The following EPHX4 variants were observed in gnomAD, a reference collection of about 807,000 sequenced individuals.
EPHX4 encodes epoxide hydrolase 4.
EPHX4 carries 31 observed loss-of-function variants against 44.9 expected under a neutral mutation model. The observed-to-expected ratio is 0.69, with a 90% CI of 0.52 to 0.93. The LOEUF is 0.93. Ranked by LOEUF, EPHX4 falls within the 40% of genes least tolerant of loss-of-function variation. The pLI, the probability that EPHX4 is intolerant of heterozygous loss-of-function variation, is 0.00. For missense variants in EPHX4, 373 were observed against 438.1 expected, an observed-to-expected ratio of 0.85 and a Z score of 1.33; for synonymous variants, 151 against 159.7, an observed-to-expected ratio of 0.95 and a Z score of 0.41.
In EPHX4 at chr1:92,063,455, T is replaced by G. The variant is rs1007751887; in HGVS notation, c.*169T>G. 1.1e-5 allele frequency: 6 copies of G among 530,802 alleles called. No homozygotes were observed. The Admixed American group carries it at 2.0e-4, about 18-fold the overall frequency. The allele number at this position is 530,802 out of a possible 1,614,324, so 32.9% of individuals were successfully genotyped here. ...AAAAAAATCTGAGATCATGTGAACATATAATACAATGTTGATTTTCTTCTG... is the reference window on the plus strand; with the variant it reads ...AAAAAAATCTGAGATCATGTGAACAGATAATACAATGTTGATTTTCTTCTG... On this transcript the variant is annotated 3_prime_UTR_variant, in exon 7 of 7. Coordinates refer to ENST00000370383, the MANE Select transcript of EPHX4 (RefSeq NM_173567.5).
intron 6 of EPHX4, among the ~76,000 whole-genome samples, chr1:92,058,791 A>T (rs1023105051): frequency 6.6e-6 from 1 of 151,992 alleles, no homozygotes; most frequent in Non-Finnish European, 1.5e-5. Context: ...GAGATACAAA[A>T]CCTCTATTAA....
intron 1 of EPHX4, 34 bp from the exon 2 acceptor site, chr1:92,032,471 A>G (rs1441019572): frequency 6.6e-7 from 1 of 1,513,480 alleles, no homozygotes; most frequent in Non-Finnish European, 9.2e-7. Context: ...AATCAACACA[A>G]ACATCACTAA....
chr1:92,038,874 A>G (rs1406935628), intron 2 of EPHX4, among the ~76,000 whole-genome samples: 1 of 152,012 alleles, frequency 6.6e-6, no homozygotes, highest in Non-Finnish European at 1.5e-5. Flanking sequence ...CTGGGGCCAG[A>G]CTCCCTGGGC....
chr1:92,044,393 T>C (rs1273213232), intron 3 of EPHX4, among the ~76,000 whole-genome samples: 15 of 152,226 alleles, frequency 9.9e-5, no homozygotes, highest in Non-Finnish European at 1.5e-5. Context: ...ACAAGATTTA[T>C]GCATGTGTGT....
At chr1:92,058,652 G>C (rs1425352856) in intron 6 of EPHX4, among the ~76,000 whole-genome samples, 1 of 152,006 alleles carries the variant, frequency 6.6e-6, no homozygotes, top group Non-Finnish European at 1.5e-5. Flanking sequence ...CTGGGAAACT[G>C]ACCTTTGCTT....
chr1:92,060,956 C>G (rs1647482585), intron 6 of EPHX4, among the ~76,000 whole-genome samples: 1 of 151,706 alleles, frequency 6.6e-6, no homozygotes, highest in Admixed American at 6.6e-5. Context: ...TCTTGGCTCA[C>G]TGCAACCTCT....
intron 6 of EPHX4, among the ~76,000 whole-genome samples, chr1:92,057,581 C>T (rs1422726442): frequency 6.6e-6 from 1 of 151,396 alleles, no homozygotes; most frequent in African/African-American, 2.4e-5. Context: ...ACATAGAAGC[C>T]TAGATGGTTT....
At chr1:92,033,750 C>A (rs1688394961) in intron 2 of EPHX4, among the ~76,000 whole-genome samples, 1 of 152,068 alleles carries the variant, frequency 6.6e-6, no homozygotes, top group South Asian at 2.1e-4. Flanking sequence ...AAATTTATTT[C>A]TCACCGTTCT....
chr1:92,045,570 G>C lies in EPHX4; in HGVS notation c.514G>C (p.Gly172Arg). ...TGTTCTTATTGGCCATGACTGGGGG[G>C]GCATGATTGCTTGGCTAATTGCCAT... ...KCVLIGHDWG[G>R]MIAWLIAICY... is the part of the protein sequence containing the mutation. Residue 172 changes from glycine (G) to arginine (R), a missense_variant, in exon 4 of 7, where the codon GGC becomes CGC. Gly to Arg is a moderately radical substitution (Grantham distance 125). Coordinates refer to ENST00000370383, the MANE Select transcript of EPHX4 (RefSeq NM_173567.5). 1 of 1,613,900 alleles carries C rather than the reference G, an allele frequency of 6.2e-7. No homozygotes were observed. Among genetic ancestry groups the C allele is most frequent in the Non-Finnish European group, 8.5e-7 (1 of 1,179,934 alleles).
At chr1:92,036,807 T>C (rs1054285413) in intron 2 of EPHX4, among the ~76,000 whole-genome samples, 3 of 152,182 alleles carry the variant, frequency 2.0e-5, no homozygotes, top group Non-Finnish European at 4.4e-5. Context: ...AAATACTACA[T>C]GGAGATTGTT....
chr1:92,031,839 C>T (rs959002801), intron 1 of EPHX4, among the ~76,000 whole-genome samples: 5 of 152,100 alleles, frequency 3.3e-5, no homozygotes, highest in Non-Finnish European at 7.3e-5. Context: ...TTGTCTCCTA[C>T]ATGCAGAGTG....
intron 2 of EPHX4, among the ~76,000 whole-genome samples, chr1:92,034,410 T>C (rs1035127366): frequency 1.3e-5 from 2 of 151,322 alleles, no homozygotes. Context: ...GGTCAAGAAA[T>C]TGATGTTTTT....
chr1:92,049,530 A>C (rs549918947), intron 4 of EPHX4, among the ~76,000 whole-genome samples: 2 of 152,362 alleles, frequency 1.3e-5, no homozygotes, highest in East Asian at 3.9e-4. Context: ...CTTGGCACAC[A>C]GTAGATAGTC....
intron 6 of EPHX4, among the ~76,000 whole-genome samples, chr1:92,056,279 C>G (rs1055149255): frequency 6.6e-6 from 1 of 152,130 alleles, no homozygotes; most frequent in African/African-American, 2.4e-5. Context: ...GAAAATAGCC[C>G]TCATTTATTA....
At chr1:92,054,504 C>T (rs1647322761) in intron 6 of EPHX4, among the ~76,000 whole-genome samples, 1 of 150,014 alleles carries the variant, frequency 6.7e-6, no homozygotes, top group Non-Finnish European at 1.5e-5. Flanking sequence ...AGGAGAATCG[C>T]TTGAACCTGG....
intron 6 of EPHX4, among the ~76,000 whole-genome samples, chr1:92,053,621 A>G (rs1647302503): frequency 6.6e-6 from 1 of 152,088 alleles, no homozygotes; most frequent in South Asian, 2.1e-4. Context: ...AGATGGAGAG[A>G]GTGGGCAGAT....
chr1:92,033,549 T>C (rs1688391852), intron 2 of EPHX4, among the ~76,000 whole-genome samples: 1 of 152,108 alleles, frequency 6.6e-6, no homozygotes, highest in South Asian at 2.1e-4. Context: ...AGAGCACTTA[T>C]GGAAACTGAA....
intron 2 of EPHX4, among the ~76,000 whole-genome samples, chr1:92,034,248 C>T (rs1393451608): frequency 7.0e-6 from 1 of 143,016 alleles, no homozygotes; most frequent in African/African-American, 2.6e-5. Flanking sequence ...TGCAGTGAGC[C>T]GAGCTCGTGC....
chr1:92,036,113 C>T (rs559985472), intron 2 of EPHX4, among the ~76,000 whole-genome samples: 3 of 152,282 alleles, frequency 2.0e-5, no homozygotes, highest in South Asian at 2.1e-4. Context: ...ATTCATGCAT[C>T]GGAGAGATGA....
Sources: gnomAD v4.1 joint callset for allele counts (sites outside exome capture counted in the v4.1 genomes callset) on GRCh38, gnomAD v4.1.1 for gene constraint, MANE v1.5 for transcripts, NCBI Gene and HGNC (gene_info 2026-07-23, HGNC 2026-07-21) for gene names.